The following CEACAM5 variants were observed in gnomAD, a reference collection of about 807,000 sequenced individuals.
CEACAM5 encodes cell adhesion molecule CEACAM5.
Under a neutral mutation model 63.0 loss-of-function variants are expected in CEACAM5, and 52 were observed. The observed-to-expected ratio is 0.83, with a 90% confidence interval of 0.66 to 1.04. The LOEUF is 1.04. Ranked by LOEUF, CEACAM5 falls within the 50% of genes least tolerant of loss-of-function variation. The pLI is 0.00. For missense variants in CEACAM5, 790 were observed against 864.8 expected, an observed-to-expected ratio of 0.91 and a Z score of 1.08; for synonymous variants, 357 against 351.3, an observed-to-expected ratio of 1.02 and a Z score of -0.18.
chr19:41,712,095 C>G (rs2072444969), intron 2 of CEACAM5, among the ~76,000 whole-genome samples: 1 of 152,182 alleles, frequency 6.6e-6, no homozygotes, highest in Admixed American at 6.5e-5. Context: ...CCTACACTGA[C>G]TCACCAGGGG....
Position 41,715,657 on chromosome 19 carries a change from G to A in CEACAM5, c.711G>A (p.Pro237=), listed in dbSNP as rs782384967. 3.0e-5 allele frequency: 48 copies of A among 1,614,082 alleles called. No individual in the cohort carries two copies. The highest frequency in any genetic ancestry group is 5.5e-5 in the South Asian group (5 of 91,072). ...DSVILNVLYG[P]DAPTISPLNT... ...TTATTTTGTTTGCTCCAGATGGCCC[G>A]GATGCCCCCACCATTTCCCCTCTAA... is the stretch of plus-strand genomic sequence containing the variant. Residue 237 remains proline (P), a synonymous_variant, in exon 4 of 10, where the codon CCG becomes CCA. Coordinates refer to ENST00000221992, the MANE Select transcript of CEACAM5 (RefSeq NM_004363.6).
chr19:41,711,882 CCAGGCAATAGGGAAGGCACAGAAATCA>C lies in CEACAM5; in HGVS notation c.424+1866_424+1892del, dbSNP rs549286409. ...CTCACACTGTGTCCTGGCCCACTTC[CCAGGCAATAGGGAAGGCACAGAAATCA>C]CAGGCAATAGGGAAGGCACAGATGG... is the stretch of plus-strand genomic sequence containing the variant. On this transcript the variant is annotated intron_variant, in intron 2 of 9. Coordinates refer to ENST00000221992, the MANE Select transcript of CEACAM5 (RefSeq NM_004363.6). 1.4e-3 allele frequency among the ~76,000 whole-genome samples: 215 copies of C among 152,234 alleles called. 1 individual carries two copies. The highest frequency in any genetic ancestry group is 4.7e-3 in the African/African-American group (194 of 41,536).
chr19:41,718,182 T>G lies in CEACAM5; in HGVS notation c.1292T>G (p.Val431Gly). 1 of 1,614,032 alleles carries G rather than the reference T, an allele frequency of 6.2e-7. No individual in the cohort carries two copies. Among genetic ancestry groups the G allele is most frequent in the Admixed American group, 1.7e-5 (1 of 60,020 alleles). Reference sequence around the variant, plus strand: ...TCATACACCTATTACCGTCCAGGGGTGAACCTCAGCCTCTCCTGCCATGCA... The same window carrying G: ...TCATACACCTATTACCGTCCAGGGGGGAACCTCAGCCTCTCCTGCCATGCA... Reference protein sequence around the residue: ...SPSYTYYRPGVNLSLSCHAAS... With the variant: ...SPSYTYYRPGGNLSLSCHAAS... The change falls in exon 6 of 10, where the codon GTG becomes GGG. Residue 431 changes from valine (V) to glycine (G), a missense_variant. Val to Gly is a moderately radical substitution (Grantham distance 109, BLOSUM62 -3). Transcript: ENST00000221992.
At chr19:41,714,427 T>C (rs1217333578) in intron 2 of CEACAM5, among the ~76,000 whole-genome samples, 3 of 152,194 alleles carry the variant, frequency 2.0e-5, no homozygotes, top group Non-Finnish European at 2.9e-5. Context: ...CAGGCTTGCC[T>C]CTGGTGTCCC....
At chr19:41,717,798 G>C in intron 5 of CEACAM5, 65 bp downstream of exon 5, 1 of 1,576,038 alleles carries the variant, frequency 6.3e-7, no homozygotes. Flanking sequence ...CAAAGTCCAG[G>C]CCTCTCAGTC....
Position 41,717,674 on chromosome 19 carries a change from G to A in CEACAM5, c.1178G>A (p.Cys393Tyr). The A allele has an allele frequency of 1.2e-6, 2 of 1,614,240 alleles. No individual in the cohort carries two copies. The highest frequency in any genetic ancestry group is 1.3e-5 in the African/African-American group (1 of 75,058). ...AGGAATGATGTAGGACCCTATGAGT[G>A]TGGAATCCAGAACGAATTAAGTGTT... ...VTRNDVGPYECGIQNELSVDH... is the reference protein window; with the variant it reads ...VTRNDVGPYEYGIQNELSVDH... The change falls in exon 5 of 10, where the codon TGT becomes TAT. Residue 393 changes from cysteine to tyrosine, a missense_variant. By Grantham distance (194) the Cys-to-Tyr change is radical. Coordinates refer to ENST00000221992, the MANE Select transcript of CEACAM5 (RefSeq NM_004363.6).
intron 4 of CEACAM5, among the ~76,000 whole-genome samples, chr19:41,716,699 G>A (rs577226277): frequency 3.3e-5 from 5 of 152,316 alleles, no homozygotes; most frequent in African/African-American, 7.2e-5. Flanking sequence ...GGCTCTGCAC[G>A]GCAGGGAATG....
In CEACAM5 at chr19:41,721,103, G is replaced by C; in HGVS notation, c.1953G>C (p.Gly651=). The change falls in exon 8 of 10, where the codon GGG becomes GGC. Residue 651 remains glycine, a synonymous_variant. Coordinates refer to ENST00000221992, the MANE Select transcript of CEACAM5 (RefSeq NM_004363.6). ...FIAKITPNNN[G]TYACFVSNLA... ...CCAAAATCACGCCAAATAATAACGG[G>C]ACCTATGCCTGTTTTGTCTCTAACT... 6.2e-7 allele frequency: 1 copy of C among 1,614,190 alleles called. No homozygotes were observed. The highest frequency in any genetic ancestry group is 8.5e-7 in the Non-Finnish European group (1 of 1,180,042).
At position 41,730,191 on chromosome 19, in the gene CEACAM5, C is replaced by T. The variant is rs1401895405; in HGVS notation, c.*1044C>T. Among the ~76,000 whole-genome samples, 1 of 152,136 alleles carries T rather than the reference C, an allele frequency of 6.6e-6. No individual in the cohort carries two copies. Among genetic ancestry groups the T allele is most frequent in the African/African-American group, 2.4e-5 (1 of 41,426 alleles). Reference sequence around the variant, plus strand: ...ATCCCAGCACTTTGATCCGCCGAGGCGGGCGGATCACGAGGTCAGGAGATC... The same window carrying T: ...ATCCCAGCACTTTGATCCGCCGAGGTGGGCGGATCACGAGGTCAGGAGATC... On this transcript the variant is annotated 3_prime_UTR_variant, in exon 10 of 10. Coordinates refer to ENST00000221992, the MANE Select transcript of CEACAM5 (RefSeq NM_004363.6).
chr19:41,723,207 C>A (rs1351987663), intron 8 of CEACAM5, among the ~76,000 whole-genome samples: 1 of 152,070 alleles, frequency 6.6e-6, no homozygotes, highest in Non-Finnish European at 1.5e-5. Flanking sequence ...CCACCGTGTC[C>A]GGCCCCAAAT....
intron 8 of CEACAM5, among the ~76,000 whole-genome samples, chr19:41,723,084 T>A (rs1421484998): frequency 2.0e-5 from 3 of 152,080 alleles, no homozygotes; most frequent in Non-Finnish European, 4.4e-5. Flanking sequence ...ATTTTTTTTT[T>A]TTTATTTTTA....
In CEACAM5 at chr19:41,721,101, G is replaced by A. The variant is rs998112305; in HGVS notation, c.1951G>A (p.Gly651Arg). The part of the protein sequence containing the change: ...FIAKITPNNN[G>R]TYACFVSNLA... Reference sequence around the variant, plus strand: ...CGCCAAAATCACGCCAAATAATAACGGGACCTATGCCTGTTTTGTCTCTAA... The same window carrying A: ...CGCCAAAATCACGCCAAATAATAACAGGACCTATGCCTGTTTTGTCTCTAA... The change falls in exon 8 of 10, where the codon GGG becomes AGG. Residue 651 changes from glycine to arginine, a missense_variant. Gly to Arg is a moderately radical substitution (Grantham distance 125, BLOSUM62 -2). Coordinates refer to ENST00000221992, the MANE Select transcript of CEACAM5 (RefSeq NM_004363.6). 20 of 1,614,024 alleles carry A rather than the reference G, an allele frequency of 1.2e-5. No homozygotes were observed. The highest frequency in any genetic ancestry group is 3.3e-5 in the South Asian group (3 of 91,088).
intron 2 of CEACAM5, among the ~76,000 whole-genome samples, chr19:41,714,457 A>T (rs1383322917): frequency 6.6e-6 from 1 of 152,170 alleles, no homozygotes; most frequent in African/African-American, 2.4e-5. Flanking sequence ...TTCTACTGAA[A>T]CATCCAGTCC....
chr19:41,727,628 T>A (rs1317130089), intron 9 of CEACAM5, among the ~76,000 whole-genome samples: 1 of 152,164 alleles, frequency 6.6e-6, no homozygotes, highest in Non-Finnish European at 1.5e-5. Flanking sequence ...TTTTTTAACA[T>A]CTCACACTTG....
chr19:41,728,583 A>G (rs1317872874), intron 9 of CEACAM5, among the ~76,000 whole-genome samples: 2 of 152,048 alleles, frequency 1.3e-5, no homozygotes, highest in African/African-American at 4.8e-5. Flanking sequence ...TCAGGAGTTC[A>G]AGACCAGCCT....
intron 7 of CEACAM5, 43 bp from the exon 8 acceptor site, chr19:41,720,879 T>C (rs1357635894): frequency 6.2e-7 from 1 of 1,606,798 alleles, no homozygotes; most frequent in African/African-American, 1.3e-5. Context: ...GCTTCCCCTT[T>C]CCTCTGATGA....
intron 2 of CEACAM5, 89 bp downstream of exon 2, chr19:41,710,128 C>A: frequency 1.3e-6 from 2 of 1,532,074 alleles, no homozygotes; most frequent in Admixed American, 4.0e-5. Context: ...TGCCTGTGGC[C>A]CCCTCTGCAT....
At chr19:41,723,420 T>C (rs2072655476) in intron 8 of CEACAM5, among the ~76,000 whole-genome samples, 1 of 152,218 alleles carries the variant, frequency 6.6e-6, no homozygotes, top group South Asian at 2.1e-4. Flanking sequence ...TTAGTGATGT[T>C]GAGCATATTT....
chr19:41,724,710 T>G (rs1370899893), intron 8 of CEACAM5, among the ~76,000 whole-genome samples: 1 of 152,240 alleles, frequency 6.6e-6, no homozygotes, highest in African/African-American at 2.4e-5. Flanking sequence ...TTCTAACTAT[T>G]TTATACTATT....
Sources: gnomAD v4.1 joint callset for allele counts (sites outside exome capture counted in the v4.1 genomes callset) on GRCh38, gnomAD v4.1.1 for gene constraint, MANE v1.5 for transcripts, NCBI Gene and HGNC (gene_info 2026-07-23, HGNC 2026-07-21) for gene names.